Variants in SGCD observed in about 807,000 individuals in gnomAD.
SGCD encodes sarcoglycan delta, also known as delta-sarcoglycan.
A neutral mutation model predicts 36.6 loss-of-function variants in SGCD; 18 were observed. The observed-to-expected ratio is 0.49, with a 90% CI of 0.34 to 0.73. The LOEUF is 0.73. Among genes scored for constraint, SGCD ranks in the 30% least tolerant of loss-of-function variants. The pLI, the probability that SGCD is intolerant of heterozygous loss-of-function variation, is 0.01. For missense variants in SGCD, 387 were observed against 346.7 expected (o/e 1.12, Z -0.92); for synonymous variants, 133 against 130.6 (o/e 1.02, Z -0.12).
At chr5:155,755,674 G>A in the SGCD span, among the ~76,000 whole-genome samples, 1 of 149,188 alleles carries the variant, frequency 6.7e-6, no homozygotes, top group Non-Finnish European at 1.5e-5. Flanking sequence ...GGATCCTTCT[G>A]TAGGCTGGAT....
the SGCD span, among the ~76,000 whole-genome samples, chr5:155,775,685 A>G: frequency 0.089 from 13,614 of 152,200 alleles, 798 homozygotes; most frequent in South Asian, 0.2. Flanking sequence ...GAAAATGGTC[A>G]ATATGTCCAT....
chr5:156,656,157 C>A (rs557403909), intron 7 of SGCD, among the ~76,000 whole-genome samples: 50 of 152,230 alleles, frequency 3.3e-4, no homozygotes, highest in African/African-American at 1.1e-3. Context: ...AAGAATTCTT[C>A]ATGTTCACAG....
the SGCD span, among the ~76,000 whole-genome samples, chr5:155,767,162 CCTAA>C: frequency 6.6e-6 from 1 of 152,194 alleles, no homozygotes; most frequent in Non-Finnish European, 1.5e-5. Flanking sequence ...TGCTTCAGTA[CCTAA>C]CTATCAGCAG....
chr5:156,075,492 G>A (rs1253423785), intron 1 of SGCD, among the ~76,000 whole-genome samples: 2 of 152,116 alleles, frequency 1.3e-5, no homozygotes, highest in African/African-American at 4.8e-5. Context: ...TTGGGATTTG[G>A]AATAATCCAA....
chr5:155,793,969 A>AAAG, the SGCD span, among the ~76,000 whole-genome samples: 7 of 151,100 alleles, frequency 4.6e-5, no homozygotes, highest in African/African-American at 1.7e-4. Context: ...AAAAAAAAAA[A>AAAG]AGAGAGAGAA....
At position 156,054,571 on chromosome 5, in the gene SGCD, C is replaced by A. The variant is rs1047159510; in HGVS notation, c.-281-63307C>A. 9.5e-5 allele frequency among the ~76,000 whole-genome samples: 14 copies of A among 146,682 alleles called. 1 individual carries two copies. Among genetic ancestry groups the A allele is most frequent in the Non-Finnish European group, 2.2e-4 (14 of 65,090 alleles). On this transcript the variant is annotated intron_variant, in intron 1 of 9. Coordinates refer to the SGCD transcript ENST00000517913. ...AAGTGATGGGATTACAGGCGTGAGC[C>A]ACCGCGCCCGGCCCCTAAACATGAA...
chr5:155,858,434 A>G, the SGCD span, among the ~76,000 whole-genome samples: 64 of 152,174 alleles, frequency 4.2e-4, no homozygotes, highest in Non-Finnish European at 8.4e-4. Flanking sequence ...AAATAACATA[A>G]TTTTGAAGGA....
chr5:156,512,928 T>C (rs1159894048), intron 4 of SGCD, among the ~76,000 whole-genome samples: 1 of 148,354 alleles, frequency 6.7e-6, no homozygotes, highest in African/African-American at 2.5e-5. Flanking sequence ...AGAGTACGAT[T>C]TTTTTTTTTT....
intron 3 of SGCD, among the ~76,000 whole-genome samples, chr5:156,251,237 T>C (rs1765569408): frequency 1.3e-5 from 2 of 152,310 alleles, no homozygotes; most frequent in South Asian, 4.1e-4. Flanking sequence ...CTCTTATCAG[T>C]GACTAAAGAT....
intron 4 of SGCD, 66 bp downstream of exon 4, chr5:156,508,768 C>A: frequency 1.1e-6 from 1 of 948,846 alleles, no homozygotes; most frequent in Non-Finnish European, 1.6e-6. Flanking sequence ...AGGAATTGAT[C>A]TTGCTATCAG....
chr5:155,913,822 C>T (rs1316914574), intron 1 of SGCD, among the ~76,000 whole-genome samples: 1 of 152,162 alleles, frequency 6.6e-6, no homozygotes, highest in Non-Finnish European at 1.5e-5. Context: ...TGGAAGAGTT[C>T]TGCATAGTCT....
chr5:156,463,635 A>C (rs529877865), intron 3 of SGCD, among the ~76,000 whole-genome samples: 1 of 152,128 alleles, frequency 6.6e-6, no homozygotes, highest in Non-Finnish European at 1.5e-5. Context: ...AGAGCATAAG[A>C]TTGTGCCTTT....
At chr5:155,818,375 G>T in the SGCD span, among the ~76,000 whole-genome samples, 1 of 152,114 alleles carries the variant, frequency 6.6e-6, no homozygotes, top group Non-Finnish European at 1.5e-5. Context: ...GCAGGGAGGA[G>T]ATCGAAGGAA....
Position 156,594,965 on chromosome 5 carries a change from T to C in SGCD, c.416T>C (p.Phe139Ser). ...PKAVEAYGKK[F>S]EVKTVSGKLL... ...GCCGTAGAAGCTTATGGTAAAAAAT[T>C]TGAGGTAAAAACTGTTTCTGGAAAA... The change falls in exon 6 of 9, where the codon TTT becomes TCT. Residue 139 changes from phenylalanine (F) to serine (S), a missense_variant. Transcript: ENST00000337851. 1.9e-6 allele frequency: 3 copies of C among 1,611,864 alleles called. No individual in the cohort carries two copies. The highest frequency in any genetic ancestry group is 2.2e-5 in the East Asian group (1 of 44,838).
At chr5:156,361,101 C>T (rs1769766691) in intron 3 of SGCD, among the ~76,000 whole-genome samples, 2 of 152,210 alleles carry the variant, frequency 1.3e-5, no homozygotes, top group South Asian at 4.1e-4. Flanking sequence ...GGTGCTGCTG[C>T]AGGCCCCATA....
chr5:156,073,994 T>A (rs1561707789), intron 1 of SGCD, among the ~76,000 whole-genome samples: 1 of 152,134 alleles, frequency 6.6e-6, no homozygotes, highest in Non-Finnish European at 1.5e-5. Context: ...GTGAGTAAGA[T>A]TCAAGTAAAT....
intron 3 of SGCD, among the ~76,000 whole-genome samples, chr5:156,129,848 C>A (rs1008683788): frequency 6.6e-6 from 1 of 152,164 alleles, no homozygotes; most frequent in African/African-American, 2.4e-5. Flanking sequence ...GCATAGGATT[C>A]CATGGTGTAT....
chr5:156,013,719 C>A (rs1331877522), intron 1 of SGCD, among the ~76,000 whole-genome samples: 1 of 151,912 alleles, frequency 6.6e-6, no homozygotes, highest in African/African-American at 2.4e-5. Flanking sequence ...TTAAGGTTAA[C>A]GTTTTATCTT....
chr5:156,434,137 G>A (rs2127789916), intron 3 of SGCD, among the ~76,000 whole-genome samples: 1 of 152,332 alleles, frequency 6.6e-6, no homozygotes, highest in East Asian at 1.9e-4. Context: ...TGGAAGGTGT[G>A]CATCTCTAGC....
Sources: allele counts gnomAD v4.1 joint callset (sites outside exome capture counted in the v4.1 genomes callset), GRCh38; gene constraint gnomAD v4.1.1; transcripts MANE v1.5; gene names NCBI Gene and HGNC (gene_info 2026-07-23, HGNC 2026-07-21).